Variants in TSPAN18 observed in about 807,000 individuals in gnomAD.
TSPAN18 encodes tetraspanin 18.
Under a neutral mutation model 27.3 loss-of-function variants are expected in TSPAN18, and 14 were observed. That is an observed-to-expected ratio of 0.51 (90% confidence interval 0.34 to 0.80). The LOEUF (loss-of-function observed/expected upper bound fraction) is 0.80. Among genes scored for constraint, TSPAN18 ranks in the 30% least tolerant of loss-of-function variants. The probability of loss-of-function intolerance (pLI) is 0.01; values close to 1 mark genes in which losing one functional copy is unlikely to be tolerated. For missense variants in TSPAN18, 268 were observed against 323.9 expected (o/e 0.83, Z 1.32); for synonymous variants, 143 against 136.5 (o/e 1.05, Z -0.33).
At chr11:44,777,895 A>T (rs1336639769) in intron 2 of TSPAN18, among the ~76,000 whole-genome samples, 1 of 152,308 alleles carries the variant, frequency 6.6e-6, no homozygotes, top group Admixed American at 6.5e-5. Context: ...ATACCCAGGT[A>T]GGCACCACAT....
intron 3 of TSPAN18, among the ~76,000 whole-genome samples, chr11:44,880,838 G>T (rs1357214811): frequency 6.6e-6 from 1 of 152,248 alleles, no homozygotes; most frequent in Non-Finnish European, 1.5e-5. Flanking sequence ...GAGCCCACCT[G>T]CCAGGGCAGC....
At chr11:44,806,948 G>A (rs1856605967) in intron 2 of TSPAN18, among the ~76,000 whole-genome samples, 1 of 152,136 alleles carries the variant, frequency 6.6e-6, no homozygotes, top group Admixed American at 6.5e-5. Flanking sequence ...ATCTGAGTGA[G>A]TATTTGATGA....
At chr11:44,811,137 C>G (rs1245568034) in intron 2 of TSPAN18, among the ~76,000 whole-genome samples, 3 of 52,774 alleles carry the variant, frequency 5.7e-5, no homozygotes, top group Admixed American at 1.8e-4. Context: ...CACACACACA[C>G]ACACACACAC....
At chr11:44,770,390 A>T (rs77250643) in intron 2 of TSPAN18, among the ~76,000 whole-genome samples, 4,700 of 152,208 alleles carry the variant, frequency 0.031, 95 homozygotes, top group Middle Eastern at 0.051. Flanking sequence ...AAGCCTTGAC[A>T]TAATCTCGGG....
Position 44,851,723 on chromosome 11 carries a change from G to A in TSPAN18, c.-152-8605G>A, listed in dbSNP as rs900363345. 4.6e-5 allele frequency among the ~76,000 whole-genome samples: 7 copies of A among 152,026 alleles called. No individual in the cohort carries two copies. The South Asian group carries it at 1.5e-3, about 32-fold the overall frequency. On this transcript the variant is annotated intron_variant, in intron 2 of 9. Coordinates refer to ENST00000520358, the MANE Select transcript of TSPAN18 (RefSeq NM_130783.5). ...TTCTACACCTGCCGTGCAAATGGAG[G>A]CCCTGCGCTGTTGCCTTGGCTGTGT...
At chr11:44,755,547 C>A (rs1049030802) in intron 1 of TSPAN18, among the ~76,000 whole-genome samples, 1 of 152,044 alleles carries the variant, frequency 6.6e-6, no homozygotes, top group Non-Finnish European at 1.5e-5. Context: ...GAGCTGGGGA[C>A]GCAGCCCCAA....
At chr11:44,918,985 A>C (rs548104729) in intron 6 of TSPAN18, among the ~76,000 whole-genome samples, 34 of 145,892 alleles carry the variant, frequency 2.3e-4, no homozygotes, top group Non-Finnish European at 4.1e-4. Context: ...GCGTGCCCTG[A>C]CCTCGGCTCC....
chr11:44,767,641 T>C (rs1218700177), intron 2 of TSPAN18, among the ~76,000 whole-genome samples: 1 of 152,268 alleles, frequency 6.6e-6, no homozygotes, highest in South Asian at 2.1e-4. Flanking sequence ...TTTTTTGTTA[T>C]TGTTGCTCAA....
chr11:44,918,302 A>G (rs1266129853), intron 6 of TSPAN18, among the ~76,000 whole-genome samples: 11 of 152,176 alleles, frequency 7.2e-5, no homozygotes, highest in African/African-American at 2.4e-4. Flanking sequence ...TATTCTGGAA[A>G]CATCCCTTCC....
At chr11:44,740,849 GAT>G (rs1854915814) in intron 1 of TSPAN18, among the ~76,000 whole-genome samples, 1 of 152,190 alleles carries the variant, frequency 6.6e-6, no homozygotes, top group Non-Finnish European at 1.5e-5. Flanking sequence ...GCAGGGTTGA[GAT>G]CTTGGCTCAC....
At chr11:44,810,531 G>A (rs901228835) in intron 2 of TSPAN18, among the ~76,000 whole-genome samples, 1 of 151,872 alleles carries the variant, frequency 6.6e-6, no homozygotes, top group African/African-American at 2.4e-5. Flanking sequence ...ATCTGTTGAT[G>A]AATATTTATT....
chr11:44,803,638 G>C (rs1856530042), intron 2 of TSPAN18, among the ~76,000 whole-genome samples: 1 of 152,178 alleles, frequency 6.6e-6, no homozygotes, highest in African/African-American at 2.4e-5. Context: ...CCCTGGAGTG[G>C]AGCAGGGGAC....
At chr11:44,772,718 G>C (rs1041109387) in intron 2 of TSPAN18, among the ~76,000 whole-genome samples, 2 of 152,124 alleles carry the variant, frequency 1.3e-5, no homozygotes, top group African/African-American at 4.8e-5. Flanking sequence ...GAGTGCAATG[G>C]CGCCATCTCA....
chr11:44,898,051 C>T (rs1007444157), intron 3 of TSPAN18, among the ~76,000 whole-genome samples: 1 of 152,146 alleles, frequency 6.6e-6, no homozygotes, highest in African/African-American at 2.4e-5. Context: ...TCTATTCATC[C>T]AGATATATAA....
intron 2 of TSPAN18, among the ~76,000 whole-genome samples, chr11:44,812,424 T>G (rs1002894659): frequency 6.6e-6 from 1 of 152,212 alleles, no homozygotes. Flanking sequence ...GACCTTCTTG[T>G]GTCTGATGTG....
rs1856158885 is a variant in TSPAN18 at position 44,790,152 on chromosome 11, CAT to C, written c.-153+25641_-153+25642del. Among the ~76,000 whole-genome samples the C allele has an allele frequency of 2.3e-5, 3 of 133,098 alleles. 1 individual carries two copies. In the South Asian group the frequency reaches 7.1e-4, roughly 32 times the overall value. The allele number at this position is 133,098 out of a possible 152,430, so 87.3% of individuals were successfully genotyped here. ...CTGCATGTTTCCACCCGCGTGTGTGCATGTGTGTGTGTGCATGTGTGTGTGTG... is the reference window on the plus strand; with the variant it reads ...CTGCATGTTTCCACCCGCGTGTGTGCGTGTGTGTGTGCATGTGTGTGTGTG... On this transcript the variant is annotated intron_variant, in intron 2 of 9. Coordinates refer to ENST00000520358, the MANE Select transcript of TSPAN18 (RefSeq NM_130783.5).
chr11:44,831,687 A>G (rs1453109818), intron 2 of TSPAN18, among the ~76,000 whole-genome samples: 2 of 152,198 alleles, frequency 1.3e-5, no homozygotes, highest in African/African-American at 4.8e-5. Flanking sequence ...GGCATTCTAC[A>G]TGCTGAGGCA....
At chr11:44,850,758 T>C (rs1670302) in intron 2 of TSPAN18, among the ~76,000 whole-genome samples, 80,403 of 151,510 alleles carry the variant, frequency 0.53, 22,586 homozygotes, top group Non-Finnish European at 0.62. Flanking sequence ...GCCCCACTTA[T>C]CCAGGAAGTG....
intron 2 of TSPAN18, among the ~76,000 whole-genome samples, chr11:44,815,822 A>G (rs1489730169): frequency 6.6e-6 from 1 of 152,120 alleles, no homozygotes; most frequent in East Asian, 1.9e-4. Flanking sequence ...CCCACCAGCC[A>G]TGTGTCATCA....
Sources: allele counts gnomAD v4.1 joint callset (sites outside exome capture counted in the v4.1 genomes callset), GRCh38; gene constraint gnomAD v4.1.1; transcripts MANE v1.5; gene names NCBI Gene and HGNC (gene_info 2026-07-23, HGNC 2026-07-21).